The following RIC1 variants were observed in gnomAD, a reference collection of about 807,000 sequenced individuals.
RIC1 encodes the protein RIC1 partner of RAB6A GEF complex.
RIC1 carries 88 observed loss-of-function variants against 169.0 expected under a neutral mutation model. The observed-to-expected ratio is 0.52, with a 90% CI of 0.44 to 0.62. The LOEUF (loss-of-function observed/expected upper bound fraction) is 0.62, where lower values mean the gene tolerates loss of function less well. Among genes scored for constraint, RIC1 ranks in the 20% least tolerant of loss-of-function variants. The pLI is 0.00. For missense variants in RIC1, 1,877 were observed against 1,725.5 expected (o/e 1.09, Z -1.56); for synonymous variants, 790 against 601.5 (o/e 1.31, Z -4.59).
chr9:5,713,723 G>A, intron 3 of RIC1, 173 bp from the exon 4 acceptor site: 1 of 429,220 alleles, frequency 2.3e-6, no homozygotes, highest in Non-Finnish European at 4.2e-6. Context: ...CAATTGATAA[G>A]TAGATAATGT....
intron 9 of RIC1, 58 bp downstream of exon 9, chr9:5,743,071 G>T: frequency 6.6e-7 from 1 of 1,517,678 alleles, no homozygotes; most frequent in South Asian, 1.2e-5. Context: ...CACAATGCAT[G>T]CATACAAAAA....
chr9:5,663,514 G>C (rs1036252433), intron 2 of RIC1, among the ~76,000 whole-genome samples: 1 of 152,172 alleles, frequency 6.6e-6, no homozygotes, highest in Non-Finnish European at 1.5e-5. Flanking sequence ...TTCCTATACT[G>C]TGTGTGCATA....
intron 1 of RIC1, among the ~76,000 whole-genome samples, chr9:5,645,349 T>G (rs913825751): frequency 2.0e-5 from 3 of 152,244 alleles, no homozygotes; most frequent in Non-Finnish European, 4.4e-5. Context: ...CATTTTTGTT[T>G]AAGTGGAATA....
intron 6 of RIC1, 152 bp from the exon 7 acceptor site, chr9:5,732,236 A>T (rs1587055284): frequency 3.4e-6 from 2 of 586,424 alleles, no homozygotes; most frequent in Non-Finnish European, 6.0e-6. Flanking sequence ...TTTAAGGGAG[A>T]CTATTGTGGT....
intron 24 of RIC1, 68 bp downstream of exon 24, chr9:5,772,809 C>T: frequency 6.5e-7 from 1 of 1,543,592 alleles, no homozygotes; most frequent in Admixed American, 1.8e-5. Context: ...AGGTATGGGG[C>T]TACTCTCCTA....
intron 21 of RIC1, among the ~76,000 whole-genome samples, chr9:5,767,085 T>C (rs1354991906): frequency 1.3e-5 from 2 of 152,228 alleles, no homozygotes; most frequent in African/African-American, 4.8e-5. Context: ...CAACAAACTT[T>C]TAAATTACCT....
At chr9:5,753,467 C>T (rs1051188438) in intron 13 of RIC1, 69 bp from the exon 14 acceptor site, 3 of 974,174 alleles carry the variant, frequency 3.1e-6, no homozygotes, top group Non-Finnish European at 4.7e-6. Flanking sequence ...TGACACAATA[C>T]TAAGCTCTTT....
intron 2 of RIC1, among the ~76,000 whole-genome samples, chr9:5,662,765 A>G (rs1316182036): frequency 6.6e-6 from 1 of 151,932 alleles, no homozygotes; most frequent in Admixed American, 6.6e-5. Context: ...TATGTATTCT[A>G]TTAATTTTTT....
intron 2 of RIC1, among the ~76,000 whole-genome samples, chr9:5,660,029 C>G (rs1167684782): frequency 6.6e-6 from 1 of 152,136 alleles, no homozygotes; most frequent in African/African-American, 2.4e-5. Context: ...CTAACAGACC[C>G]CAGTGTATGT....
chr9:5,716,517 G>C (rs1466659093), intron 4 of RIC1, among the ~76,000 whole-genome samples: 1 of 152,204 alleles, frequency 6.6e-6, no homozygotes, highest in African/African-American at 2.4e-5. Flanking sequence ...GGAGGCTGAG[G>C]CACAATAATT....
At chr9:5,733,378 C>G (rs997625216) in intron 7 of RIC1, among the ~76,000 whole-genome samples, 2 of 151,804 alleles carry the variant, frequency 1.3e-5, no homozygotes, top group Admixed American at 6.6e-5. Context: ...ATTCTCCTGC[C>G]TCAGCCTCCC....
intron 7 of RIC1, among the ~76,000 whole-genome samples, chr9:5,736,063 T>C (rs1587067137): frequency 6.6e-6 from 1 of 152,190 alleles, no homozygotes; most frequent in Non-Finnish European, 1.5e-5. Context: ...ACCTAAAAGA[T>C]TGTCAGACTT....
At chr9:5,752,229 C>G (rs1587112937) in intron 12 of RIC1, among the ~76,000 whole-genome samples, 1 of 152,156 alleles carries the variant, frequency 6.6e-6, no homozygotes, top group East Asian at 1.9e-4. Context: ...CCTTTTCTTG[C>G]AGATAGAGTT....
intron 10 of RIC1, among the ~76,000 whole-genome samples, chr9:5,744,044 G>T (rs1285273490): frequency 3.0e-5 from 4 of 133,906 alleles, no homozygotes; most frequent in African/African-American, 1.0e-4. Flanking sequence ...ATGTTGATCT[G>T]ATAAAATCAC....
chr9:5,679,884 A>G (rs1820707646), intron 2 of RIC1, among the ~76,000 whole-genome samples: 7 of 152,178 alleles, frequency 4.6e-5, no homozygotes. Context: ...TATGTTGAAT[A>G]GGAGTGGTGA....
intron 2 of RIC1, among the ~76,000 whole-genome samples, chr9:5,672,768 G>A (rs929608556): frequency 8.5e-5 from 13 of 152,216 alleles, no homozygotes; most frequent in African/African-American, 2.9e-4. Flanking sequence ...ATGAAAAAAC[G>A]TACATATCTA....
chr9:5,632,030 C>G (rs1331455053), intron 1 of RIC1, among the ~76,000 whole-genome samples: 1 of 152,180 alleles, frequency 6.6e-6, no homozygotes, highest in South Asian at 2.1e-4. Context: ...GCTGTAGATA[C>G]AAGTAGTTTT....
intron 2 of RIC1, among the ~76,000 whole-genome samples, chr9:5,680,010 A>G (rs891596262): frequency 2.0e-5 from 3 of 152,204 alleles, no homozygotes; most frequent in Non-Finnish European, 4.4e-5. Context: ...TTTGAGATAC[A>G]TCCCATCAAT....
intron 3 of RIC1, among the ~76,000 whole-genome samples, chr9:5,699,678 A>C (rs939121914): frequency 7.9e-5 from 12 of 152,180 alleles, no homozygotes; most frequent in Non-Finnish European, 2.9e-5. Flanking sequence ...CAATTTTTGT[A>C]AATAAAATGT....
Sources: allele counts gnomAD v4.1 joint callset (sites outside exome capture counted in the v4.1 genomes callset), GRCh38; gene constraint gnomAD v4.1.1; transcripts MANE v1.5; gene names NCBI Gene and HGNC (gene_info 2026-07-23, HGNC 2026-07-21).